Variants in AP1G1 observed in about 807,000 individuals in gnomAD.
AP1G1 encodes the protein adaptor related protein complex 1 subunit gamma 1.
Under a neutral mutation model 108.3 loss-of-function variants are expected in AP1G1, and 7 were observed. That is an observed-to-expected ratio of 0.06 (90% CI 0.04 to 0.12). The LOEUF (loss-of-function observed/expected upper bound fraction) is 0.12. Among genes scored for constraint, AP1G1 ranks in the 10% least tolerant of loss-of-function variants. The pLI is 1.00. For synonymous variants in AP1G1, 379 were observed against 353.5 expected (o/e 1.07, Z -0.81); for missense variants, 756 against 1,010.7 (o/e 0.75, Z 3.42).
rs750052848 is a variant in AP1G1, at chr16:71,773,348, C to G, written c.341G>C (p.Ser114Thr). ...TNCIKNDLNH[S>T]TQFVQGLALC... ...TGCTAACCCCTGTACGAATTGCGTG[C>G]TATGATTAAGATCACTGCAAAAGAA... The change falls in exon 4 of 23, where the codon AGC becomes ACC. Residue 114 changes from serine to threonine, a missense_variant. By Grantham distance (58) the Ser-to-Thr change is moderately conservative. Transcript: ENST00000299980. The G allele has an allele frequency of 1.3e-6, 2 of 1,541,364 alleles. No individual in the cohort carries two copies. The highest frequency in any genetic ancestry group is 4.6e-5 in the Admixed American group (2 of 43,150).
chr16:71,779,692 G>C (rs2031930420), intron 2 of AP1G1, among the ~76,000 whole-genome samples: 1 of 152,080 alleles, frequency 6.6e-6, no homozygotes, highest in Non-Finnish European at 1.5e-5. Flanking sequence ...ATTTTACGAA[G>C]AGAATTTTCC....
In AP1G1 at chr16:71,764,663, T is replaced by C; in HGVS notation, c.802A>G (p.Asn268Asp). The C allele has an allele frequency of 6.2e-7, 1 of 1,609,584 alleles. No individual in the cohort carries two copies. The highest frequency in any genetic ancestry group is 1.1e-5 in the South Asian group (1 of 89,722). Residue 268 changes from asparagine (N) to aspartate (D), a missense_variant, in exon 8 of 23, where the codon AAT becomes GAT. Around this residue, in one of 3 missense-constraint regions of AP1G1, gnomAD observed 304 missense variants for 483.6 expected, o/e 0.63. Coordinates refer to ENST00000299980, the MANE Select transcript of AP1G1 (RefSeq NM_001128.6). ...CTACTCACCTGTGCTAATATATCAT[T>C]CATAGCTTCACTTGAATCATCATCA... ...RNDDDSSEAM[N>D]DILAQVATNT... is the part of the protein sequence containing the mutation.
At chr16:71,736,679 G>A (rs1021187600) in intron 21 of AP1G1, among the ~76,000 whole-genome samples, 1 of 145,852 alleles carries the variant, frequency 6.9e-6, no homozygotes, top group Non-Finnish European at 1.5e-5. Context: ...TCCACCTCCC[G>A]GGCTCACGCC....
intron 13 of AP1G1, among the ~76,000 whole-genome samples, chr16:71,752,000 G>C (rs2030532710): frequency 1.3e-5 from 2 of 152,076 alleles, no homozygotes; most frequent in South Asian, 4.1e-4. Context: ...TACTCAACAA[G>C]ATATTAGCAA....
At chr16:71,768,862 G>T (rs1430243001) in intron 6 of AP1G1, among the ~76,000 whole-genome samples, 1 of 138,008 alleles carries the variant, frequency 7.2e-6, no homozygotes, top group South Asian at 2.3e-4. Context: ...AACTTGCAGC[G>T]AGCCAAGATC....
intron 10 of AP1G1, among the ~76,000 whole-genome samples, chr16:71,759,500 C>T (rs1339250274): frequency 2.7e-5 from 4 of 146,970 alleles, no homozygotes; most frequent in Admixed American, 6.9e-5. Flanking sequence ...GTGGCTCATG[C>T]CTATAATCCC....
intron 15 of AP1G1, among the ~76,000 whole-genome samples, chr16:71,749,431 T>C (rs1011099628): frequency 4.6e-5 from 7 of 151,496 alleles, no homozygotes; most frequent in African/African-American, 1.7e-4. Context: ...CTGCAGTGAA[T>C]TGTGATCCCA....
intron 21 of AP1G1, among the ~76,000 whole-genome samples, chr16:71,737,029 T>G (rs941267969): frequency 6.6e-6 from 1 of 152,172 alleles, no homozygotes; most frequent in African/African-American, 2.4e-5. Context: ...AAAACCTAAG[T>G]TGAAGAAACT....
intron 2 of AP1G1, among the ~76,000 whole-genome samples, chr16:71,783,585 CATT>C (rs1451913693): frequency 1.3e-5 from 2 of 151,770 alleles, no homozygotes; most frequent in African/African-American, 2.4e-5. Flanking sequence ...GTACAGAAAA[CATT>C]GTAAAATTTA....
chr16:71,746,239 T>C (rs1277516140), intron 17 of AP1G1, among the ~76,000 whole-genome samples: 5 of 152,228 alleles, frequency 3.3e-5, no homozygotes, highest in Non-Finnish European at 5.9e-5. Context: ...CTCGATCTCT[T>C]GACCTCGTGA....
chr16:71,750,028 CAA>C (rs1156715325), intron 14 of AP1G1, 45 bp from the exon 15 acceptor site: 1 of 1,555,804 alleles, frequency 6.4e-7, no homozygotes, highest in Non-Finnish European at 8.9e-7. Context: ...TCAATTTTTC[CAA>C]AGTTATTTAA....
intron 21 of AP1G1, among the ~76,000 whole-genome samples, chr16:71,736,115 AAAATATATATATATAT>A (rs2045534578): frequency 1.4e-5 from 1 of 73,568 alleles, no homozygotes; most frequent in African/African-American, 6.3e-5. Context: ...AAAAAAAAAA[AAAATATATATATATAT>A]ATATATATAT....
chr16:71,807,208 C>G (rs1270333547), intron 1 of AP1G1, among the ~76,000 whole-genome samples: 2 of 152,162 alleles, frequency 1.3e-5, no homozygotes, highest in Admixed American at 1.3e-4. Flanking sequence ...GGCGGATTAC[C>G]TGAGCTCAGG....
At chr16:71,792,568 G>A (rs1367536336) in intron 1 of AP1G1, among the ~76,000 whole-genome samples, 1 of 152,174 alleles carries the variant, frequency 6.6e-6, no homozygotes, top group Non-Finnish European at 1.5e-5. Flanking sequence ...TTACAAGTGA[G>A]GAGGCCGGGT....
At chr16:71,794,043 T>A (rs537039674) in intron 1 of AP1G1, among the ~76,000 whole-genome samples, 1 of 152,230 alleles carries the variant, frequency 6.6e-6, no homozygotes, top group Non-Finnish European at 1.5e-5. Context: ...TAAAAAGACC[T>A]TGATTCTCCA....
rs182792267 is a variant in AP1G1 at position 71,797,313 on chromosome 16, T to C, written c.-3-7831A>G. ...TATGGATGCCTTTTTAACTTCTATA[T>C]ATAGTCTGCTATCTTTCAAGTAATG... is the stretch of plus-strand genomic sequence containing the variant. On this transcript the variant is annotated intron_variant, in intron 1 of 22. Coordinates refer to ENST00000299980, the MANE Select transcript of AP1G1 (RefSeq NM_001128.6). Among the ~76,000 whole-genome samples, 210 of 152,194 alleles carry C rather than the reference T, an allele frequency of 1.4e-3. 1 individual carries two copies. Among genetic ancestry groups the C allele is most frequent in the Middle Eastern group, 0.01 (3 of 294 alleles).
chr16:71,747,694 C>T (rs909220938), intron 16 of AP1G1, among the ~76,000 whole-genome samples: 2 of 151,902 alleles, frequency 1.3e-5, no homozygotes, highest in African/African-American at 4.8e-5. Context: ...AAAAACGTAA[C>T]TTTTAGGCCA....
intron 13 of AP1G1, among the ~76,000 whole-genome samples, chr16:71,752,466 AAAT>A (rs1055878725): frequency 2.4e-4 from 37 of 152,312 alleles, no homozygotes; most frequent in Non-Finnish European, 4.6e-4. Flanking sequence ...ATAAGTCAAC[AAAT>A]ACATATAAGT....
chr16:71,770,459 C>T lies in AP1G1; in HGVS notation c.565+697G>A, dbSNP rs192166095. Among the ~76,000 whole-genome samples, 115 of 152,336 alleles carry T rather than the reference C, an allele frequency of 7.5e-4. 2 individuals are homozygous for T. Among genetic ancestry groups the T allele is most frequent in the South Asian group, 5.0e-3 (24 of 4,832 alleles). Reference sequence around the variant, plus strand: ...CTGAGTACCTAATACAAGCTTCTGTCAGAAATAACCCAAAAGAATTCTCAC... The same window carrying T: ...CTGAGTACCTAATACAAGCTTCTGTTAGAAATAACCCAAAAGAATTCTCAC... On this transcript the variant is annotated intron_variant, in intron 5 of 22. Transcript: ENST00000299980.
Sources: gnomAD v4.1 joint callset for allele counts (sites outside exome capture counted in the v4.1 genomes callset) on GRCh38, gnomAD v4.1.1 for gene constraint, gnomAD v4.1.1 regional missense constraint, MANE v1.5 for transcripts, NCBI Gene and HGNC (gene_info 2026-07-23, HGNC 2026-07-21) for gene names.